The following ITIH3 variants were observed in gnomAD, a reference collection of about 807,000 sequenced individuals.
ITIH3 encodes inter-alpha-trypsin inhibitor heavy chain H3.
Under a neutral mutation model 96.5 loss-of-function variants are expected in ITIH3, and 81 were observed. The ratio of observed to expected loss-of-function variants is 0.84; its 90% CI spans 0.70 to 1.01. The LOEUF is 1.01. Ranked by LOEUF, ITIH3 falls within the 50% of genes least tolerant of loss-of-function variation. The pLI, the probability that ITIH3 is intolerant of heterozygous loss-of-function variation, is 0.00. For missense variants in ITIH3, 1,057 were observed against 1,139.3 expected (o/e 0.93, Z 1.04); for synonymous variants, 422 against 445.2 (o/e 0.95, Z 0.66).
At position 52,796,639 on chromosome 3, in the gene ITIH3, C is replaced by T. The variant is rs1226108374; in HGVS notation, c.273C>T (p.Asn91=). 1 of 1,612,324 alleles carries T rather than the reference C, an allele frequency of 6.2e-7. No homozygotes were observed. The highest frequency in any genetic ancestry group is 8.5e-7 in the Non-Finnish European group (1 of 1,178,894). Residue 91 remains asparagine, a synonymous_variant, in exon 3 of 22, where the codon AAC becomes AAT. Coordinates refer to ENST00000449956, the MANE Select transcript of ITIH3 (RefSeq NM_002217.4). ...VELPKTAFIT[N]FTLTIDGVTY... is the part of the protein sequence containing the mutation. ...TGCCCAAGACGGCCTTCATCACCAACTTCACCTTGTGGGTACCACCATGGC... is the reference window on the plus strand; with the variant it reads ...TGCCCAAGACGGCCTTCATCACCAATTTCACCTTGTGGGTACCACCATGGC...
In ITIH3 at chr3:52,796,493, A is replaced by T; in HGVS notation, c.127A>T (p.Ile43Phe). ...RSLPEGVANG[I>F]EVYSTKINSK... ...CACCTCCCCAAAGGTGGCCAATGGCATCGAGGTCTACAGTACCAAAATCAA... is the reference window on the plus strand; with the variant it reads ...CACCTCCCCAAAGGTGGCCAATGGCTTCGAGGTCTACAGTACCAAAATCAA... The change falls in exon 3 of 22, where the codon ATC (isoleucine) becomes TTC (phenylalanine). Residue 43 changes from isoleucine (I) to phenylalanine (F), a missense_variant. Ile to Phe is a conservative substitution (Grantham distance 21). Coordinates refer to ENST00000449956, the MANE Select transcript of ITIH3 (RefSeq NM_002217.4). 1 of 1,612,162 alleles carries T rather than the reference A, an allele frequency of 6.2e-7. No individual in the cohort carries two copies. Among genetic ancestry groups the T allele is most frequent in the Non-Finnish European group, 8.5e-7 (1 of 1,179,566 alleles).
In ITIH3 at chr3:52,799,814, T is replaced by G. The variant is rs1194193379; in HGVS notation, c.968T>G (p.Ile323Ser). The change falls in exon 9 of 22, where the codon ATC becomes AGC. Residue 323 changes from isoleucine (I) to serine (S), a missense_variant. Physicochemically the swap from Ile to Ser is moderately radical, Grantham distance 142 (BLOSUM62 -2). Transcript: ENST00000449956. ...CAAGAGGAAGACTATCTGAATTTCA[T>G]CCTGTTCAGTGGAGATGTGTCCACA... ...DMQEEDYLNF[I>S]LFSGDVSTWK... The G allele has an allele frequency of 3.1e-6, 5 of 1,613,744 alleles. No individual in the cohort carries two copies. In the Admixed American group the frequency reaches 6.7e-5, roughly 22 times the overall value.
At chr3:52,806,439 G>C (rs1289291805) in intron 18 of ITIH3, 33 bp downstream of exon 18, 3 of 1,552,122 alleles carry the variant, frequency 1.9e-6, no homozygotes, top group African/African-American at 1.4e-5. Flanking sequence ...GGGGCCAGGG[G>C]GCTCTTCCTG....
At position 52,799,099 on chromosome 3, in the gene ITIH3, G is replaced by A. The variant is rs766391619; in HGVS notation, c.789+8G>A. ...TCTCCTGGCAACGTGCAGGTACCCG[G>A]GCTGGCTGATTCATCATCAGGGTGG... On this transcript the variant is annotated splice_region_variant and intron_variant, in intron 7 of 21. Coordinates refer to ENST00000449956, the MANE Select transcript of ITIH3 (RefSeq NM_002217.4). 5.6e-6 allele frequency: 9 copies of A among 1,613,118 alleles called. No homozygotes were observed. In the East Asian group the frequency reaches 2.0e-4, roughly 36 times the overall value.
chr3:52,808,265 G>A (rs1360162688), intron 21 of ITIH3, 44 bp downstream of exon 21: 1 of 1,495,056 alleles, frequency 6.7e-7, no homozygotes, highest in South Asian at 1.1e-5. Context: ...AGCAACGAGA[G>A]GAGGAAAGAG....
intron 6 of ITIH3, chr3:52,798,538 C>T: frequency 5.4e-6 from 1 of 185,762 alleles, no homozygotes; most frequent in South Asian, 1.3e-4. Flanking sequence ...CCTCTTGGCA[C>T]CCACACACCA....
chr3:52,798,848 C>A, intron 6 of ITIH3, 118 bp from the exon 7 acceptor site: 2 of 1,292,410 alleles, frequency 1.5e-6, no homozygotes, highest in Non-Finnish European at 2.1e-6. Context: ...CTAGCCTCTG[C>A]CCTGCCAAGG....
chr3:52,804,053 T>G, intron 14 of ITIH3, 44 bp downstream of exon 14: 2 of 1,587,076 alleles, frequency 1.3e-6, no homozygotes, highest in Non-Finnish European at 1.7e-6. Context: ...CCTCCTGTGC[T>G]GGGCACCCTA....
At chr3:52,799,138 C>G (rs781739149) in intron 7 of ITIH3, 47 bp downstream of exon 7, 1 of 1,602,176 alleles carries the variant, frequency 6.2e-7, no homozygotes, top group Admixed American at 1.7e-5. Context: ...GAGGGCTGGT[C>G]GGGCGGGGGC....
intron 11 of ITIH3, among the ~76,000 whole-genome samples, chr3:52,801,662 T>C (rs899669669): frequency 6.6e-6 from 1 of 152,210 alleles, no homozygotes; most frequent in South Asian, 2.1e-4. Context: ...TCCCTCTGGA[T>C]GTCTGTGTCC....
chr3:52,804,028 G>T lies in ITIH3; in HGVS notation c.1864+19G>T, dbSNP rs779195789. On this transcript the variant is annotated intron_variant, in intron 14 of 21. Transcript: ENST00000449956. ...GGGGAAGGTGGGGATAGGGATGGAG[G>T]CCGGAACCCGGAGGCCTCCTGTGCT... The T allele has an allele frequency of 1.2e-6, 2 of 1,606,802 alleles. No homozygotes were observed. The highest frequency in any genetic ancestry group is 1.7e-6 in the Non-Finnish European group (2 of 1,176,754).
Position 52,799,746 on chromosome 3 carries a change from C to A in ITIH3, c.907-7C>A. ...CGGCTTCTCCCAGCTCTTTGTCTCT[C>A]CTCCAGACAAAGGAGGCCCTTCTCA... On this transcript the variant is annotated splice_polypyrimidine_tract_variant and splice_region_variant and intron_variant, in intron 8 of 21. Coordinates refer to ENST00000449956, the MANE Select transcript of ITIH3 (RefSeq NM_002217.4). 1 of 1,607,920 alleles carries A rather than the reference C, an allele frequency of 6.2e-7. No individual in the cohort carries two copies.
intron 2 of ITIH3, chr3:52,796,016 GT>G (rs1332810226): frequency 4.1e-6 from 1 of 246,526 alleles, no homozygotes; most frequent in Non-Finnish European, 7.7e-6. Context: ...GAAAGAGGGT[GT>G]TTGGAGACTT....
Position 52,797,217 on chromosome 3 carries a change from T to C in ITIH3, c.499T>C (p.Tyr167His). 1 of 1,607,644 alleles carries C rather than the reference T, an allele frequency of 6.2e-7. No homozygotes were observed. Among genetic ancestry groups the C allele is most frequent in the Non-Finnish European group, 8.5e-7 (1 of 1,177,310 alleles). ...GCTGCTGAAGAGGCACAAGGGCAAG[T>C]ACGAGATGTACCTCAAGGTCCAGCC... ...EELLKRHKGK[Y>H]EMYLKVQPKQ... The change falls in exon 5 of 22, where the codon TAC (tyrosine) becomes CAC (histidine). Residue 167 changes from tyrosine (Y) to histidine (H), a missense_variant. Transcript: ENST00000449956.
At position 52,799,427 on chromosome 3, in the gene ITIH3, C is replaced by T. The variant is rs570674211; in HGVS notation, c.845C>T (p.Pro282Leu). 3.7e-6 allele frequency: 6 copies of T among 1,612,420 alleles called. No homozygotes were observed. In the African/African-American group the frequency reaches 6.7e-5, roughly 18 times the overall value. ...FFAPQGLPVV[P>L]KNVAFVIDIS... ...GCACCTCAAGGCCTTCCAGTGGTGCCTAAGAACGTGGCCTTTGTGATTGAC... is the reference window on the plus strand; with the variant it reads ...GCACCTCAAGGCCTTCCAGTGGTGCTTAAGAACGTGGCCTTTGTGATTGAC... The change falls in exon 8 of 22, where the codon CCT becomes CTT. Residue 282 changes from proline (P) to leucine (L), a missense_variant. Transcript: ENST00000449956.
intron 13 of ITIH3, among the ~76,000 whole-genome samples, chr3:52,803,244 G>A (rs980034025): frequency 1.1e-4 from 16 of 151,480 alleles, no homozygotes; most frequent in South Asian, 6.3e-4. Context: ...ACACCATTGC[G>A]AGTGGCTGTT....
chr3:52,799,522 G>A, intron 8 of ITIH3, 34 bp downstream of exon 8: 1 of 1,472,430 alleles, frequency 6.8e-7, no homozygotes, highest in Non-Finnish European at 9.3e-7. Flanking sequence ...CAGGGCTCGG[G>A]GTAGTAGGGG....
In ITIH3 at chr3:52,803,981, G is replaced by C. The variant is rs1241407926; in HGVS notation, c.1836G>C (p.Glu612Asp). 2.5e-6 allele frequency: 4 copies of C among 1,613,674 alleles called. No individual in the cohort carries two copies. Among genetic ancestry groups the C allele is most frequent in the Admixed American group, 1.7e-5 (1 of 59,966 alleles). The change falls in exon 14 of 22, where the codon GAG becomes GAC. Residue 612 changes from glutamate (E) to aspartate (D), a missense_variant. By Grantham distance (45) the Glu-to-Asp change is conservative. Coordinates refer to ENST00000449956, the MANE Select transcript of ITIH3 (RefSeq NM_002217.4). ...CCAAGCCTGAGGACAACGAGGATGA[G>C]AGGGCCATTGCCGACAAGCCTGGGG... ...VVTKPEDNED[E>D]RAIADKPGED...
intron 13 of ITIH3, 26 bp downstream of exon 13, chr3:52,802,832 G>T: frequency 6.2e-7 from 1 of 1,612,802 alleles, no homozygotes; most frequent in Non-Finnish European, 8.5e-7. Flanking sequence ...GCCCCCACCT[G>T]TGCCTACCCC....
Sources: allele counts gnomAD v4.1 joint callset (sites outside exome capture counted in the v4.1 genomes callset), GRCh38; gene constraint gnomAD v4.1.1; transcripts MANE v1.5; gene names NCBI Gene and HGNC (gene_info 2026-07-23, HGNC 2026-07-21).